The following RABGAP1L variants were observed in gnomAD, a reference collection of about 807,000 sequenced individuals.
RABGAP1L encodes RAB GTPase activating protein 1 like.
Under a neutral mutation model 137.7 loss-of-function variants are expected in RABGAP1L, and 63 were observed. That is an observed-to-expected ratio of 0.46 (90% confidence interval 0.37 to 0.56). The LOEUF (loss-of-function observed/expected upper bound fraction) is 0.56. Ranked by LOEUF, RABGAP1L falls within the 20% of genes least tolerant of loss-of-function variation. The pLI, the probability that RABGAP1L is intolerant of heterozygous loss-of-function variation, is 0.00. For synonymous variants in RABGAP1L, 431 were observed against 433.7 expected (o/e 0.99, Z 0.08); for missense variants, 1,095 against 1,244.0 (o/e 0.88, Z 1.80).
chr1:174,536,806 A>G (rs1169804266), intron 13 of RABGAP1L, among the ~76,000 whole-genome samples: 1 of 152,188 alleles, frequency 6.6e-6, no homozygotes, highest in Non-Finnish European at 1.5e-5. Flanking sequence ...TACCGGCATT[A>G]ATGACAAATA....
chr1:174,842,430 A>G (rs539307914), intron 19 of RABGAP1L, among the ~76,000 whole-genome samples: 22 of 152,330 alleles, frequency 1.4e-4, no homozygotes, highest in African/African-American at 4.8e-4. Context: ...GTCATAAACT[A>G]CAGAACCATA....
chr1:174,806,038 G>A (rs752992175), intron 18 of RABGAP1L, among the ~76,000 whole-genome samples: 1 of 152,200 alleles, frequency 6.6e-6, no homozygotes, highest in Non-Finnish European at 1.5e-5. Context: ...AGCCTTTCCA[G>A]TTTAAATCAG....
intron 7 of RABGAP1L, among the ~76,000 whole-genome samples, chr1:174,257,953 A>T (rs1463011950): frequency 6.6e-6 from 1 of 152,184 alleles, no homozygotes; most frequent in Non-Finnish European, 1.5e-5. Context: ...GGACTCATAT[A>T]TCCAACAGTA....
At chr1:174,361,495 A>C (rs950836271) in intron 11 of RABGAP1L, among the ~76,000 whole-genome samples, 1 of 151,778 alleles carries the variant, frequency 6.6e-6, no homozygotes, top group South Asian at 2.1e-4. Flanking sequence ...GAGATCTTTC[A>C]CTTCTTTGGT....
At chr1:174,328,007 A>ATG (rs1558136439) in intron 11 of RABGAP1L, among the ~76,000 whole-genome samples, 70 of 137,114 alleles carry the variant, frequency 5.1e-4, no homozygotes, top group East Asian at 5.0e-3. Context: ...ATATATATAT[A>ATG]TATATATATA....
At chr1:174,596,276 C>T (rs1024842147) in intron 13 of RABGAP1L, among the ~76,000 whole-genome samples, 70 of 150,656 alleles carry the variant, frequency 4.6e-4, no homozygotes, top group African/African-American at 1.6e-3. Context: ...GAGATGAACC[C>T]GGTACCTCAG....
At position 174,957,441 on chromosome 1, in the gene RABGAP1L, C is replaced by T. The variant is rs763218020; in HGVS notation, c.2341-16C>T. 1.3e-6 allele frequency: 2 copies of T among 1,594,858 alleles called. No homozygotes were observed. Among genetic ancestry groups the T allele is most frequent in the Non-Finnish European group, 8.6e-7 (1 of 1,162,910 alleles). ...TGGTGTCCTTGTCTAACATGGTTTT[C>T]CTCAAATCCCTGCAGGTACCAACCA... is the stretch of plus-strand genomic sequence containing the variant. On this transcript the variant is annotated splice_polypyrimidine_tract_variant and intron_variant, in intron 19 of 25. Transcript: ENST00000681986.
At chr1:174,828,641 T>C (rs947783641) in intron 19 of RABGAP1L, among the ~76,000 whole-genome samples, 1 of 148,540 alleles carries the variant, frequency 6.7e-6, no homozygotes, top group Non-Finnish European at 1.5e-5. Context: ...ACAGAGATGT[T>C]GTAAGAATTA....
At chr1:174,701,477 C>T (rs1309076067) in intron 16 of RABGAP1L, among the ~76,000 whole-genome samples, 1 of 152,116 alleles carries the variant, frequency 6.6e-6, no homozygotes, top group African/African-American at 2.4e-5. Context: ...TACAGTGGCT[C>T]ACACCTGTAA....
At chr1:174,546,085 T>G (rs1665985978) in intron 13 of RABGAP1L, among the ~76,000 whole-genome samples, 1 of 152,208 alleles carries the variant, frequency 6.6e-6, no homozygotes, top group African/African-American at 2.4e-5. Flanking sequence ...AGATCTAGCC[T>G]GTAAACTCCT....
chr1:174,276,550 G>T (rs1200060407), intron 9 of RABGAP1L, among the ~76,000 whole-genome samples: 1 of 152,040 alleles, frequency 6.6e-6, no homozygotes, highest in Non-Finnish European at 1.5e-5. Context: ...AAATATTAAA[G>T]AAAATGATGA....
chr1:174,938,408 T>A (rs1665268737), intron 19 of RABGAP1L: 1 of 152,250 alleles, frequency 6.6e-6, no homozygotes, highest in Non-Finnish European at 1.5e-5. Context: ...CCATCCATCC[T>A]CAGTTTAATT....
At chr1:174,321,114 G>A (rs1395646236) in intron 11 of RABGAP1L, among the ~76,000 whole-genome samples, 1 of 152,076 alleles carries the variant, frequency 6.6e-6, no homozygotes, top group Non-Finnish European at 1.5e-5. Context: ...GTTGATAAGG[G>A]ATAAAATAAG....
intron 1 of RABGAP1L, among the ~76,000 whole-genome samples, chr1:174,175,623 CTTT>C (rs770897839): frequency 8.2e-6 from 1 of 122,342 alleles, no homozygotes; most frequent in Non-Finnish European, 1.7e-5. Flanking sequence ...CGCCCGGCTA[CTTT>C]TTTTTTTTTT....
intron 11 of RABGAP1L, among the ~76,000 whole-genome samples, chr1:174,306,235 G>T (rs1478694064): frequency 6.6e-6 from 1 of 152,182 alleles, no homozygotes; most frequent in East Asian, 1.9e-4. Flanking sequence ...ACGTGTGCAC[G>T]TGTCTTTATA....
At chr1:174,602,045 AT>A (rs1376696446) in intron 13 of RABGAP1L, among the ~76,000 whole-genome samples, 2 of 152,068 alleles carry the variant, frequency 1.3e-5, no homozygotes, top group South Asian at 2.1e-4. Flanking sequence ...ACTTTCCCAC[AT>A]TTTCCCATCT....
chr1:174,349,776 A>G (rs1291498589), intron 11 of RABGAP1L, among the ~76,000 whole-genome samples: 2 of 97,592 alleles, frequency 2.0e-5, no homozygotes, highest in Non-Finnish European at 4.5e-5. Context: ...CTGGCCGGGC[A>G]GAGGGGCTCC....
chr1:174,838,306 A>C (rs1347716584), intron 19 of RABGAP1L, among the ~76,000 whole-genome samples: 3 of 152,178 alleles, frequency 2.0e-5, no homozygotes, highest in African/African-American at 7.2e-5. Flanking sequence ...GAAATCTAGG[A>C]GTTTCTGTAT....
At chr1:174,273,141 C>T (rs990247656) in intron 8 of RABGAP1L, among the ~76,000 whole-genome samples, 3 of 151,956 alleles carry the variant, frequency 2.0e-5, no homozygotes, top group South Asian at 2.1e-4. Flanking sequence ...TCTTAGTGAA[C>T]TGAAATTCTT....
Sources: allele counts gnomAD v4.1 joint callset (sites outside exome capture counted in the v4.1 genomes callset), GRCh38; gene constraint gnomAD v4.1.1; transcripts MANE v1.5; gene names NCBI Gene and HGNC (gene_info 2026-07-23, HGNC 2026-07-21).